CIT: variants seen among roughly 807,000 people sequenced by gnomAD.
CIT encodes citron Rho-interacting kinase.
In CIT, 79 loss-of-function variants were observed where a neutral mutation model predicts 272.7. The observed-to-expected ratio is 0.29, with a 90% CI of 0.24 to 0.35. The LOEUF (loss-of-function observed/expected upper bound fraction) is 0.35. CIT is among the 10% of genes least tolerant of loss of function. The pLI is 1.00. For missense variants in CIT, 1,909 were observed against 2,618.3 expected (o/e 0.73, Z 5.91); for synonymous variants, 948 against 995.6 (o/e 0.95, Z 0.90).
Position 119,822,614 on chromosome 12 carries a change from T to G in CIT, c.1111+206A>C, listed in dbSNP as rs186627787. Among the ~76,000 whole-genome samples, 31 of 152,266 alleles carry G rather than the reference T, an allele frequency of 2.0e-4. No individual in the cohort carries two copies. In the East Asian group the frequency reaches 2.3e-3, roughly 11 times the overall value. On this transcript the variant is annotated intron_variant, in intron 9 of 47. Transcript: ENST00000392521. ...AAGGCCACATAAACACAGAGTTTGATAAATGACCCAGTTCTACACAAACAA... is the reference window on the plus strand; with the variant it reads ...AAGGCCACATAAACACAGAGTTTGAGAAATGACCCAGTTCTACACAAACAA...
chr12:119,799,836 T>C (rs149713061), intron 10 of CIT, among the ~76,000 whole-genome samples: 1,436 of 133,464 alleles, frequency 0.011, 20 homozygotes, highest in African/African-American at 0.037. Context: ...CTTAAAACTT[T>C]ATGAGTTTTT....
intron 3 of CIT, among the ~76,000 whole-genome samples, chr12:119,864,764 C>T (rs965750730): frequency 6.6e-6 from 1 of 152,228 alleles, no homozygotes; most frequent in African/African-American, 2.4e-5. Flanking sequence ...AAGGACTTAA[C>T]ATATGCCAGA....
intron 5 of CIT, among the ~76,000 whole-genome samples, chr12:119,840,026 C>A (rs1173608643): frequency 6.6e-6 from 1 of 152,180 alleles, no homozygotes; most frequent in African/African-American, 2.4e-5. Context: ...GTTAGAAATG[C>A]AAAGTCTTGG....
intron 8 of CIT, among the ~76,000 whole-genome samples, chr12:119,823,260 T>G (rs1449913193): frequency 6.6e-6 from 1 of 152,118 alleles, no homozygotes; most frequent in African/African-American, 2.4e-5. Flanking sequence ...CCCTTTGCTG[T>G]CCAACAATGA....
At position 119,747,376 on chromosome 12, in the gene CIT, G is replaced by A. The variant is rs564790400; in HGVS notation, c.2904+4674C>T. Among the ~76,000 whole-genome samples the A allele has an allele frequency of 2.1e-3, 304 of 141,762 alleles. 2 individuals are homozygous for A. Among genetic ancestry groups the A allele is most frequent in the African/African-American group, 7.7e-3 (291 of 37,644 alleles). 93.0% of individuals were successfully genotyped at this position (141,762 alleles called of 152,430 possible). A position where few individuals can be genotyped will look rare whatever the true frequency, so the allele number is the denominator to read the frequency against. ...GTGGAGGTTGCAGTGAGCCAAGATC[G>A]TGCCATTGCACTCCAGCCTGGGCAA... On this transcript the variant is annotated intron_variant, in intron 23 of 47. Transcript: ENST00000392521.
rs555832921 is a variant in CIT at position 119,752,971 on chromosome 12, G to C, written c.2707-724C>G. 2.6e-5 allele frequency among the ~76,000 whole-genome samples: 4 copies of C among 152,300 alleles called. No homozygotes were observed. The South Asian group carries it at 8.3e-4, about 32-fold the overall frequency. ...GCAGGAATACCGCAGGTGGGTAGAG[G>C]AGCTAACTCTGGATCTGTTAAATTC... On this transcript the variant is annotated intron_variant, in intron 22 of 47. Coordinates refer to ENST00000392521, the MANE Select transcript of CIT (RefSeq NM_001206999.2).
At position 119,857,632 on chromosome 12, in the gene CIT, A is replaced by G; in HGVS notation, c.305T>C (p.Leu102Pro). Residue 102 changes from leucine (L) to proline (P), a missense_variant, in exon 4 of 48, where the codon CTT becomes CCT. Transcript: ENST00000392521. ...TTCAGCAAAGTGACCACAACCTACA[A>G]GACTTCTGACTTCGAAGTCCTTTGC... ...PSAKDFEVRSLVGCGHFAEVQ... is the reference protein window; with the variant it reads ...PSAKDFEVRSPVGCGHFAEVQ... The G allele has an allele frequency of 1.2e-6, 2 of 1,614,196 alleles. No homozygotes were observed. The highest frequency in any genetic ancestry group is 1.7e-6 in the Non-Finnish European group (2 of 1,180,036).
In CIT at chr12:119,699,292, T is replaced by A. The variant is rs575886269; in HGVS notation, c.5624-1238A>T. 1.8e-3 allele frequency among the ~76,000 whole-genome samples: 265 copies of A among 151,318 alleles called. 1 individual carries two copies. The highest frequency in any genetic ancestry group is 5.8e-3 in the African/African-American group (238 of 41,170). ...AAAAAAAAAAGACTGGGTTCTATTTTAAAAAAAAGACTGGGTTCACAGCTA... is the reference window on the plus strand; with the variant it reads ...AAAAAAAAAAGACTGGGTTCTATTTAAAAAAAAAGACTGGGTTCACAGCTA... On this transcript the variant is annotated intron_variant, in intron 44 of 47. Coordinates refer to ENST00000392521, the MANE Select transcript of CIT (RefSeq NM_001206999.2).
Position 119,752,062 on chromosome 12 carries a change from G to C in CIT, c.2892C>G (p.Ile964Met), listed in dbSNP as rs1245132680. 6.2e-7 allele frequency: 1 copy of C among 1,611,750 alleles called. No homozygotes were observed. Among genetic ancestry groups the C allele is most frequent in the Non-Finnish European group, 8.5e-7 (1 of 1,179,792 alleles). Residue 964 changes from isoleucine to methionine, a missense_variant, in exon 23 of 48, where the codon ATC (isoleucine) becomes ATG (methionine). Physicochemically the swap from Ile to Met is conservative, Grantham distance 10. Coordinates refer to ENST00000392521, the MANE Select transcript of CIT (RefSeq NM_001206999.2). The part of the protein sequence containing the change: ...EETTAEAEEE[I>M]QALTAHRDEI... Reference sequence around the variant, plus strand: ...TCCCCAGACCTACCGTGAGTGCCTGGATCTCCTCTTCAGCTTCTGCTGTGG... The same window carrying C: ...TCCCCAGACCTACCGTGAGTGCCTGCATCTCCTCTTCAGCTTCTGCTGTGG...
chr12:119,857,328 C>T (rs1950200153), intron 4 of CIT, among the ~76,000 whole-genome samples, 195 bp downstream of exon 4: 1 of 152,154 alleles, frequency 6.6e-6, no homozygotes, highest in Non-Finnish European at 1.5e-5. Flanking sequence ...AATTTGTGAG[C>T]CTTCAAAATT....
intron 3 of CIT, among the ~76,000 whole-genome samples, chr12:119,861,655 G>A (rs1164348311): frequency 6.6e-6 from 1 of 152,054 alleles, no homozygotes; most frequent in Non-Finnish European, 1.5e-5. Context: ...ATAATCATCT[G>A]GACCCAAGAG....
At chr12:119,773,433 T>C (rs899809648) in intron 16 of CIT, among the ~76,000 whole-genome samples, 7 of 152,282 alleles carry the variant, frequency 4.6e-5, no homozygotes, top group Middle Eastern at 3.4e-3. Flanking sequence ...TGACTTCACC[T>C]GTTTTGCTTT....
intron 10 of CIT, among the ~76,000 whole-genome samples, chr12:119,789,142 G>T (rs1393850715): frequency 6.6e-6 from 1 of 152,236 alleles, no homozygotes; most frequent in Non-Finnish European, 1.5e-5. Context: ...CAGAGAGTCA[G>T]AAAGATGTGG....
chr12:119,782,162 G>A (rs542310940), intron 13 of CIT: 54 of 162,000 alleles, frequency 3.3e-4, no homozygotes, highest in Middle Eastern at 3.0e-3. Flanking sequence ...TTTTCCAACT[G>A]TTTAAAAACG....
At chr12:119,730,668 C>A (rs374602757) in intron 26 of CIT, 38 bp from the exon 27 acceptor site, 2 of 1,600,312 alleles carry the variant, frequency 1.2e-6, no homozygotes, top group Non-Finnish European at 1.7e-6. Context: ...GGTAGCCCCC[C>A]AACAGCTGAC....
At chr12:119,778,644 C>A (rs371248496) in intron 13 of CIT, among the ~76,000 whole-genome samples, 2 of 148,872 alleles carry the variant, frequency 1.3e-5, no homozygotes, top group Non-Finnish European at 3.0e-5. Flanking sequence ...CAGGTGACGC[C>A]CCCCCCCCAG....
At chr12:119,827,856 C>A (rs1650394393) in intron 7 of CIT, among the ~76,000 whole-genome samples, 1 of 152,152 alleles carries the variant, frequency 6.6e-6, no homozygotes, top group African/African-American at 2.4e-5. Context: ...TGTCTAATTA[C>A]CTTGCAGGAC....
chr12:119,821,429 C>T (rs1361676848), intron 9 of CIT, among the ~76,000 whole-genome samples: 1 of 151,942 alleles, frequency 6.6e-6, no homozygotes, highest in Non-Finnish European at 1.5e-5. Context: ...TATGTATGCA[C>T]AGGAAAAAAG....
intron 10 of CIT, among the ~76,000 whole-genome samples, chr12:119,798,910 T>A (rs1965962005): frequency 6.6e-6 from 1 of 152,244 alleles, no homozygotes; most frequent in African/African-American, 2.4e-5. Flanking sequence ...GCAGCAATGG[T>A]GTTTGCTTTA....
Sources: gnomAD v4.1 joint callset for allele counts (sites outside exome capture counted in the v4.1 genomes callset) on GRCh38, gnomAD v4.1.1 for gene constraint, MANE v1.5 for transcripts, NCBI Gene and HGNC (gene_info 2026-07-23, HGNC 2026-07-21) for gene names.